Variants in CCSER1 observed in about 807,000 individuals in gnomAD.
CCSER1 encodes the protein coiled-coil serine rich protein 1.
CCSER1 carries 41 observed loss-of-function variants against 82.0 expected under a neutral mutation model. The observed-to-expected ratio is 0.50, with a 90% CI of 0.39 to 0.65. The LOEUF is 0.65. Among genes scored for constraint, CCSER1 ranks in the 30% least tolerant of loss-of-function variants. The probability of loss-of-function intolerance (pLI) is 0.00; values close to 1 mark genes in which losing one functional copy is unlikely to be tolerated. For missense variants in CCSER1, 1,119 were observed against 1,064.2 expected (o/e 1.05, Z -0.72); for synonymous variants, 414 against 383.9 (o/e 1.08, Z -0.92).
intron 1 of CCSER1, among the ~76,000 whole-genome samples, chr4:90,172,551 C>G (rs1274541901): frequency 6.6e-6 from 1 of 151,702 alleles, no homozygotes; most frequent in Non-Finnish European, 1.5e-5. Flanking sequence ...TGAATAACAA[C>G]CATATCAGAA....
rs577696321 is a variant in CCSER1 at position 90,745,497 on chromosome 4, C to T, written c.2010+21506C>T. Among the ~76,000 whole-genome samples the T allele has an allele frequency of 1.1e-4, 16 of 152,210 alleles. No individual in the cohort carries two copies. In the South Asian group the frequency reaches 3.1e-3, roughly 30 times the overall value. On this transcript the variant is annotated intron_variant, in intron 7 of 10. Transcript: ENST00000509176. ...TTCTGCCTGTCACAGTCAGTAATATCACACAAGTAAGATCAGGATTTTATT... is the reference window on the plus strand; with the variant it reads ...TTCTGCCTGTCACAGTCAGTAATATTACACAAGTAAGATCAGGATTTTATT...
intron 3 of CCSER1, among the ~76,000 whole-genome samples, chr4:90,355,995 G>T (rs1488033009): frequency 1.3e-5 from 2 of 151,796 alleles, no homozygotes; most frequent in African/African-American, 4.8e-5. Context: ...GTCTTAATTG[G>T]CCAACTACAA....
chr4:91,548,105 T>C (rs1423492021), intron 10 of CCSER1, among the ~76,000 whole-genome samples: 3 of 152,190 alleles, frequency 2.0e-5, no homozygotes, highest in African/African-American at 7.2e-5. Flanking sequence ...TGGTTTTGAG[T>C]GTTATATATT....
At chr4:90,455,854 T>G (rs547161670) in intron 4 of CCSER1, among the ~76,000 whole-genome samples, 5 of 152,312 alleles carry the variant, frequency 3.3e-5, no homozygotes, top group Admixed American at 1.3e-4. Context: ...TTAGTCATGC[T>G]CACCTGCGCC....
At chr4:90,139,109 G>A (rs1238786635) in intron 1 of CCSER1, among the ~76,000 whole-genome samples, 3 of 152,112 alleles carry the variant, frequency 2.0e-5, no homozygotes, top group Non-Finnish European at 2.9e-5. Context: ...CAGAGTGAGT[G>A]TGCTTGTTTC....
intron 3 of CCSER1, among the ~76,000 whole-genome samples, chr4:90,313,690 A>G (rs1735695493): frequency 6.6e-6 from 1 of 152,098 alleles, no homozygotes; most frequent in Non-Finnish European, 1.5e-5. Flanking sequence ...TCACAGAGGC[A>G]TTAGTATGAA....
At chr4:90,475,444 C>T (rs1764944747) in intron 5 of CCSER1, among the ~76,000 whole-genome samples, 1 of 152,198 alleles carries the variant, frequency 6.6e-6, no homozygotes, top group African/African-American at 2.4e-5. Context: ...ATATAGGTCT[C>T]TTCCACAGCT....
chr4:90,177,159 T>C (rs1380821993), intron 1 of CCSER1, among the ~76,000 whole-genome samples: 1 of 152,126 alleles, frequency 6.6e-6, no homozygotes, highest in Non-Finnish European at 1.5e-5. Context: ...TCTCTGAATA[T>C]GAAAGGCATG....
intron 9 of CCSER1, among the ~76,000 whole-genome samples, chr4:91,028,451 C>T (rs1740684585): frequency 6.6e-6 from 1 of 151,854 alleles, no homozygotes; most frequent in Admixed American, 6.6e-5. Flanking sequence ...TGCAAAATAA[C>T]TCAAAGGACA....
chr4:90,861,554 A>C (rs1289557684), intron 8 of CCSER1, among the ~76,000 whole-genome samples: 1 of 151,756 alleles, frequency 6.6e-6, no homozygotes, highest in Non-Finnish European at 1.5e-5. Flanking sequence ...TTGTAATAGA[A>C]AAGGCCGTTG....
intron 9 of CCSER1, among the ~76,000 whole-genome samples, chr4:90,975,340 A>C (rs1735511048): frequency 6.6e-6 from 1 of 151,364 alleles, no homozygotes; most frequent in African/African-American, 2.4e-5. Flanking sequence ...GAATTGTATA[A>C]TTTGAAATTG....
Position 90,308,282 on chromosome 4 carries a change from C to A in CCSER1, c.-3C>A. ...CTTTCACAGTGCAAGCCTTTGATTC[C>A]CAATGGGGGACTCAGGATCAAGACG... is the stretch of plus-strand genomic sequence containing the variant. On this transcript the variant is annotated 5_prime_UTR_variant, in exon 2 of 11. Coordinates refer to ENST00000509176, the MANE Select transcript of CCSER1 (RefSeq NM_001145065.2). The A allele has an allele frequency of 6.4e-7, 1 of 1,564,530 alleles. No homozygotes were observed. Among genetic ancestry groups the A allele is most frequent in the Non-Finnish European group, 8.7e-7 (1 of 1,155,378 alleles).
intron 10 of CCSER1, among the ~76,000 whole-genome samples, chr4:91,540,200 CA>C (rs1761515136): frequency 6.6e-6 from 1 of 152,214 alleles, no homozygotes; most frequent in African/African-American, 2.4e-5. Context: ...CACAGTGGTA[CA>C]TTTGTAGAGT....
At chr4:90,287,394 T>C (rs1476260752) in intron 1 of CCSER1, among the ~76,000 whole-genome samples, 1 of 151,940 alleles carries the variant, frequency 6.6e-6, no homozygotes, top group Non-Finnish European at 1.5e-5. Context: ...TGGTAACTCC[T>C]TTTAAGAAAT....
At chr4:91,579,637 G>C (rs778267642) in intron 10 of CCSER1, among the ~76,000 whole-genome samples, 1 of 151,754 alleles carries the variant, frequency 6.6e-6, no homozygotes, top group African/African-American at 2.4e-5. Context: ...ATTACATCAA[G>C]AGCAGGTAAA....
intron 10 of CCSER1, among the ~76,000 whole-genome samples, chr4:91,504,266 G>A (rs1029350535): frequency 6.6e-6 from 1 of 152,130 alleles, no homozygotes; most frequent in Non-Finnish European, 1.5e-5. Context: ...GTATCTAAGT[G>A]AAACTTTATT....
chr4:91,214,081 G>A (rs1737048742), intron 10 of CCSER1, among the ~76,000 whole-genome samples: 1 of 152,084 alleles, frequency 6.6e-6, no homozygotes, highest in Admixed American at 6.6e-5. Flanking sequence ...TTTCACTCCT[G>A]TGCCTTTTGC....
At chr4:90,843,488 A>G (rs1299793513) in intron 8 of CCSER1, among the ~76,000 whole-genome samples, 1 of 152,320 alleles carries the variant, frequency 6.6e-6, no homozygotes, top group South Asian at 2.1e-4. Context: ...GCTTTAGAAA[A>G]TGATTTAAAA....
At chr4:91,191,322 C>T (rs1196421150) in intron 10 of CCSER1, among the ~76,000 whole-genome samples, 3 of 152,042 alleles carry the variant, frequency 2.0e-5, no homozygotes, top group Non-Finnish European at 4.4e-5. Flanking sequence ...ATATTTAAAC[C>T]TTCTCTGTTC....
Sources: gnomAD v4.1 joint callset for allele counts (sites outside exome capture counted in the v4.1 genomes callset) on GRCh38, gnomAD v4.1.1 for gene constraint, MANE v1.5 for transcripts, NCBI Gene and HGNC (gene_info 2026-07-23, HGNC 2026-07-21) for gene names.